Variants in POU2AF3 observed in about 807,000 individuals in gnomAD.
POU2AF3 encodes POU class 2 homeobox associating factor 3.
the POU2AF3 span, chr11:111,299,070 C>G: frequency 4.1e-6 from 4 of 986,604 alleles, no homozygotes; most frequent in Non-Finnish European, 4.8e-6. Flanking sequence ...TAGGCTGGAG[C>G]GCGGAGAGGG....
the POU2AF3 span, among the ~76,000 whole-genome samples, chr11:111,307,122 A>G: frequency 6.6e-6 from 1 of 152,064 alleles, no homozygotes; most frequent in South Asian, 2.1e-4. Context: ...TGAGTCTGCT[A>G]TAAGCACAAT....
chr11:111,300,181 TC>T, the POU2AF3 span: 3 of 337,698 alleles, frequency 8.9e-6, no homozygotes, highest in Non-Finnish European at 1.6e-5. Flanking sequence ...AAGCCAAGGT[TC>T]CCCCGACCTA....
chr11:111,305,760 T>C, the POU2AF3 span, among the ~76,000 whole-genome samples: 1 of 152,228 alleles, frequency 6.6e-6, no homozygotes, highest in Non-Finnish European at 1.5e-5. Flanking sequence ...AACAACTTAC[T>C]TTGATCACAT....
chr11:111,306,680 C>A, the POU2AF3 span: 1 of 1,303,724 alleles, frequency 7.7e-7, no homozygotes, highest in Non-Finnish European at 1.1e-6. Context: ...GGTAATAGTG[C>A]TTTGTGAGTT....
the POU2AF3 span, chr11:111,299,537 CCT>C: frequency 8.4e-7 from 1 of 1,189,104 alleles, no homozygotes. Context: ...GCGCCCGCCA[CCT>C]CCCGCGAGCC....
chr11:111,308,009 C>G, the POU2AF3 span: 1 of 1,428,968 alleles, frequency 7.0e-7, no homozygotes, highest in Non-Finnish European at 9.2e-7. Context: ...CCACACTGTT[C>G]AGTTCTTTGA....
the POU2AF3 span, chr11:111,306,689 T>C: frequency 1.7e-6 from 2 of 1,191,388 alleles, no homozygotes; most frequent in Non-Finnish European, 2.4e-6. Flanking sequence ...GCTTTGTGAG[T>C]TTGCACCATC....
At chr11:111,305,632 A>G in the POU2AF3 span, among the ~76,000 whole-genome samples, 21 of 152,220 alleles carry the variant, frequency 1.4e-4, no homozygotes, top group Non-Finnish European at 2.6e-4. Context: ...AGTCCCTTTG[A>G]TGAGCACACT....
At chr11:111,298,970 G>A in the POU2AF3 span, 1 of 1,010,752 alleles carries the variant, frequency 9.9e-7, no homozygotes, top group Non-Finnish European at 1.2e-6. Flanking sequence ...GCACTGAGCC[G>A]AGCTGTGGCG....
chr11:111,299,523 G>A, the POU2AF3 span: 1 of 1,171,670 alleles, frequency 8.5e-7, no homozygotes, highest in Non-Finnish European at 1.1e-6. Flanking sequence ...AACCCCTCTT[G>A]AGCGCGCCCG....
the POU2AF3 span, chr11:111,300,461 G>T: frequency 4.1e-6 from 3 of 723,770 alleles, no homozygotes; most frequent in East Asian, 3.4e-5. Flanking sequence ...TATAAAAGGG[G>T]CCCCCACTCT....
chr11:111,302,285 G>A, the POU2AF3 span, among the ~76,000 whole-genome samples: 2 of 152,166 alleles, frequency 1.3e-5, no homozygotes, highest in Non-Finnish European at 2.9e-5. Flanking sequence ...TACTAAGCAG[G>A]AGTCTGATAG....
chr11:111,299,687 T>C, the POU2AF3 span: 1 of 1,231,120 alleles, frequency 8.1e-7, no homozygotes, highest in Non-Finnish European at 1.0e-6. Context: ...GGAGCCTCAG[T>C]GCGCCTCGGA....
the POU2AF3 span, chr11:111,298,840 T>G: frequency 1.1e-5 from 4 of 351,584 alleles, no homozygotes; most frequent in Non-Finnish European, 1.6e-5. Context: ...CCGCCCGCCC[T>G]CCCACGTATC....
chr11:111,298,826 G>GCCGGCGCC, the POU2AF3 span: 1 of 790,962 alleles, frequency 1.3e-6, no homozygotes, highest in Non-Finnish European at 1.7e-6. Context: ...CGTACCCCAG[G>GCCGGCGCC]CCCCCGCCCG....
At chr11:111,298,824 A>AGGCGGGGGGGGG in the POU2AF3 span, 5 of 903,144 alleles carry the variant, frequency 5.5e-6, no homozygotes, top group Non-Finnish European at 7.2e-6. Context: ...CGCGTACCCC[A>AGGCGGGGGGGGG]GGCCCCCGCC....
At chr11:111,299,286 C>T in the POU2AF3 span, 3 of 986,894 alleles carry the variant, frequency 3.0e-6, no homozygotes, top group Middle Eastern at 5.2e-4. Flanking sequence ...CGCGCGGTCA[C>T]CCTCGGCCGC....
chr11:111,300,147 T>C, the POU2AF3 span: 2 of 360,770 alleles, frequency 5.5e-6, no homozygotes, highest in East Asian at 4.1e-5. Context: ...CATAATACCC[T>C]CTCTCTCGGC....
At chr11:111,299,656 C>A in the POU2AF3 span, 5 of 1,229,992 alleles carry the variant, frequency 4.1e-6, no homozygotes, top group Non-Finnish European at 5.1e-6. Context: ...TTCCCCAGCT[C>A]GCGCTGCGCG....
Sources: gnomAD v4.1 joint callset for allele counts (sites outside exome capture counted in the v4.1 genomes callset) on GRCh38, gnomAD v4.1.1 for gene constraint, MANE v1.5 for transcripts, NCBI Gene and HGNC (gene_info 2026-07-23, HGNC 2026-07-21) for gene names.